The following WASL variants were observed in gnomAD, a reference collection of about 807,000 sequenced individuals.
WASL encodes WASP like actin nucleation promoting factor, also known as actin nucleation-promoting factor WASL.
A neutral mutation model predicts 55.5 loss-of-function variants in WASL; 20 were observed. That is an observed-to-expected ratio of 0.36 (90% CI 0.25 to 0.52). The LOEUF (loss-of-function observed/expected upper bound fraction) is 0.52. Among genes scored for constraint, WASL ranks in the 20% least tolerant of loss-of-function variants. WASL has a pLI of 0.92. For synonymous variants in WASL, 249 were observed against 217.6 expected (o/e 1.14, Z -1.27); for missense variants, 504 against 622.5 (o/e 0.81, Z 2.03).
chr7:123,734,869 A>G (rs760290712), intron 1 of WASL, among the ~76,000 whole-genome samples: 3 of 152,104 alleles, frequency 2.0e-5, no homozygotes, highest in Non-Finnish European at 4.4e-5. Context: ...AAATATTATT[A>G]ATAGGAGAAA....
At chr7:123,709,364 G>A (rs1423776558) in intron 1 of WASL, 141 bp from the exon 2 acceptor site, 4 of 587,794 alleles carry the variant, frequency 6.8e-6, no homozygotes, top group Non-Finnish European at 1.1e-5. Flanking sequence ...TAATAAACAT[G>A]TATTGTTATT....
chr7:123,724,932 T>TGGGGGCAAAAAAAAGCATACCAAAGTC (rs1804016489), intron 1 of WASL, among the ~76,000 whole-genome samples: 3 of 151,842 alleles, frequency 2.0e-5, no homozygotes, highest in Non-Finnish European at 4.4e-5. Flanking sequence ...GGTGAGAGTT[T>TGGGGGCAAAAAAAAGCATACCAAAGTC]GGGGGCAAAA....
At chr7:123,747,748 C>G (rs1264372893) in intron 1 of WASL, among the ~76,000 whole-genome samples, 1 of 152,188 alleles carries the variant, frequency 6.6e-6, no homozygotes, top group Non-Finnish European at 1.5e-5. Context: ...AGAGCAGAAC[C>G]TCCCCACCCC....
intron 1 of WASL, among the ~76,000 whole-genome samples, chr7:123,735,000 G>C (rs1389483654): frequency 6.6e-6 from 1 of 151,838 alleles, no homozygotes; most frequent in Non-Finnish European, 1.5e-5. Flanking sequence ...ATGCATGCCA[G>C]CTACCTATAT....
intron 1 of WASL, among the ~76,000 whole-genome samples, chr7:123,727,891 G>A (rs1248068423): frequency 1.3e-5 from 2 of 152,068 alleles, no homozygotes; most frequent in Admixed American, 6.5e-5. Context: ...AAACACTAAC[G>A]ACTTCTTATG....
chr7:123,722,746 A>G lies in WASL; in HGVS notation c.118-13523T>C, dbSNP rs1803971555. Among the ~76,000 whole-genome samples the G allele has an allele frequency of 5.3e-5, 8 of 152,310 alleles. No individual in the cohort carries two copies. In the South Asian group the frequency reaches 1.7e-3, roughly 32 times the overall value. On this transcript the variant is annotated intron_variant, in intron 1 of 10. Coordinates refer to ENST00000223023, the MANE Select transcript of WASL (RefSeq NM_003941.4). ...CTTGAACCTGGGAGGCAGAGGTTGC[A>G]GTGAGCCAAGATCGCCACTGCACTC...
chr7:123,700,470 T>A (rs1253511314), intron 5 of WASL, among the ~76,000 whole-genome samples: 2 of 150,886 alleles, frequency 1.3e-5, no homozygotes, highest in Non-Finnish European at 2.9e-5. Context: ...AGATGGAGTC[T>A]CACTCTCTCG....
At chr7:123,710,436 G>A (rs932326749) in intron 1 of WASL, among the ~76,000 whole-genome samples, 1 of 151,992 alleles carries the variant, frequency 6.6e-6, no homozygotes, top group Admixed American at 6.6e-5. Flanking sequence ...AAGATTTGAA[G>A]ATATGCTGTT....
rs574387299 is a variant in WASL, at chr7:123,703,087, A to G, written c.460+1547T>C. Among the ~76,000 whole-genome samples the G allele has an allele frequency of 4.6e-5, 7 of 152,334 alleles. No homozygotes were observed. In the South Asian group the frequency reaches 1.4e-3, roughly 32 times the overall value. On this transcript the variant is annotated intron_variant, in intron 5 of 10. Transcript: ENST00000223023. The stretch of plus-strand genomic sequence containing the variant: ...ATTTCTACTACTACATTAAAAGTTC[A>G]CAGATGAGCAACCTGTAACTCAGCT...
chr7:123,727,651 A>C (rs2896334), intron 1 of WASL, among the ~76,000 whole-genome samples: 69,086 of 152,034 alleles, frequency 0.45, 15,975 homozygotes, highest in South Asian at 0.66. Flanking sequence ...AAGATAGGAG[A>C]GAGGCAGGAA....
At chr7:123,686,384 A>T (rs1803289103) in intron 10 of WASL, among the ~76,000 whole-genome samples, 1 of 152,008 alleles carries the variant, frequency 6.6e-6, no homozygotes, top group Non-Finnish European at 1.5e-5. Flanking sequence ...CATCAAAGAC[A>T]CCTGACTATG....
intron 5 of WASL, among the ~76,000 whole-genome samples, chr7:123,703,990 A>G (rs1803629562): frequency 6.6e-6 from 1 of 152,182 alleles, no homozygotes; most frequent in Non-Finnish European, 1.5e-5. Flanking sequence ...AGTCTAGAGT[A>G]AGAATTTCTA....
chr7:123,706,923 T>A, intron 2 of WASL, 97 bp from the exon 3 acceptor site: 1 of 620,522 alleles, frequency 1.6e-6, no homozygotes. Context: ...CTGTTTATAT[T>A]AAAAATAACT....
At chr7:123,703,343 T>TA (rs1439418734) in intron 5 of WASL, among the ~76,000 whole-genome samples, 1 of 152,164 alleles carries the variant, frequency 6.6e-6, no homozygotes, top group Non-Finnish European at 1.5e-5. Context: ...ATAAAAGAGA[T>TA]AATAGGAGCT....
intron 1 of WASL, among the ~76,000 whole-genome samples, chr7:123,730,002 T>C (rs1804112172): frequency 1.3e-5 from 2 of 152,174 alleles, no homozygotes; most frequent in South Asian, 2.1e-4. Context: ...AAGAATTATA[T>C]TGGACTTCTC....
intron 4 of WASL, among the ~76,000 whole-genome samples, chr7:123,705,589 C>A (rs953431539): frequency 1.3e-5 from 2 of 152,122 alleles, no homozygotes; most frequent in Non-Finnish European, 2.9e-5. Flanking sequence ...TGGAGAGGTT[C>A]CCCTTTCCTA....
intron 7 of WASL, 128 bp downstream of exon 7, chr7:123,695,695 A>G (rs1371249904): frequency 2.4e-6 from 2 of 820,816 alleles, no homozygotes; most frequent in Non-Finnish European, 3.8e-6. Context: ...TCAGTTGTAT[A>G]CATACATAAA....
intron 1 of WASL, among the ~76,000 whole-genome samples, chr7:123,713,831 TATCG>T (rs1803797539): frequency 6.6e-6 from 1 of 152,204 alleles, no homozygotes. Flanking sequence ...CAGGACTCCA[TATCG>T]CAGGGTTCTG....
rs147455608 is a variant in WASL at position 123,693,235 on chromosome 7, A to G, written c.827-368T>C. Reference sequence around the variant, plus strand: ...GTTAATTAGCATTAGTTTACATTTTAATAAAAATAAATACCTTCCCTCTTT... The same window carrying G: ...GTTAATTAGCATTAGTTTACATTTTGATAAAAATAAATACCTTCCCTCTTT... On this transcript the variant is annotated intron_variant, in intron 8 of 10. Transcript: ENST00000223023. 5.1e-3 allele frequency among the ~76,000 whole-genome samples: 770 copies of G among 152,350 alleles called. 10 individuals carry two copies. Among genetic ancestry groups the G allele is most frequent in the African/African-American group, 0.017 (727 of 41,586 alleles).
Sources: gnomAD v4.1 joint callset for allele counts (sites outside exome capture counted in the v4.1 genomes callset) on GRCh38, gnomAD v4.1.1 for gene constraint, MANE v1.5 for transcripts, NCBI Gene and HGNC (gene_info 2026-07-23, HGNC 2026-07-21) for gene names.